TCOF1: variants seen among roughly 807,000 people sequenced by gnomAD.
TCOF1 encodes treacle ribosome biogenesis factor 1, also known as treacle protein.
In TCOF1, 33 loss-of-function variants were observed where a neutral mutation model predicts 149.0. The observed-to-expected ratio is 0.22, with a 90% confidence interval of 0.17 to 0.30. TCOF1 has a LOEUF of 0.30. TCOF1 is among the 10% of genes least tolerant of loss of function. The pLI is 1.00. For missense variants in TCOF1, 1,728 were observed against 1,840.7 expected (o/e 0.94, Z 1.12); for synonymous variants, 789 against 738.8 (o/e 1.07, Z -1.10).
chr5:150,390,333 A>G (rs893695865), intron 19 of TCOF1, among the ~76,000 whole-genome samples: 7 of 152,196 alleles, frequency 4.6e-5, no homozygotes, highest in Non-Finnish European at 1.0e-4. Context: ...AAATGCCATG[A>G]ACAAAAGTTG....
At chr5:150,396,884 G>A (rs1409109694) in intron 24 of TCOF1, 42 bp downstream of exon 24, 10 of 1,558,986 alleles carry the variant, frequency 6.4e-6, no homozygotes, top group Non-Finnish European at 8.7e-6. Flanking sequence ...GGGCTGCTGG[G>A]CACCCCACGG....
chr5:150,398,960 G>C (rs1769190904), intron 25 of TCOF1, 62 bp from the exon 26 acceptor site: 1 of 1,612,304 alleles, frequency 6.2e-7, no homozygotes, highest in African/African-American at 1.3e-5. Context: ...CAGGAGGTGG[G>C]GGCAGCAGTG....
chr5:150,393,598 A>G, intron 23 of TCOF1, 46 bp downstream of exon 23: 1 of 1,612,848 alleles, frequency 6.2e-7, no homozygotes. Flanking sequence ...ACAGAGGGAC[A>G]GGGCAGTGGG....
At chr5:150,363,931 A>G (rs550274722) in intron 2 of TCOF1, among the ~76,000 whole-genome samples, 182 bp from the exon 3 acceptor site, 5 of 152,344 alleles carry the variant, frequency 3.3e-5, no homozygotes, top group Admixed American at 6.5e-5. Context: ...TTGTAAAAGC[A>G]CTTTATGAAG....
intron 3 of TCOF1, chr5:150,367,618 T>C: frequency 1.8e-6 from 1 of 569,638 alleles, no homozygotes; most frequent in South Asian, 1.8e-5. Context: ...CCATCAAGGA[T>C]GCAGACACAT....
chr5:150,372,219 G>A lies in TCOF1; in HGVS notation c.853G>A (p.Ala285Thr), dbSNP rs1346370057. Reference sequence around the variant, plus strand: ...ATCTGAAAGTGAGGAGGAGGCCCCTGCAGGGACACGAAGCCAGGTGAGGCC... The same window carrying A: ...ATCTGAAAGTGAGGAGGAGGCCCCTACAGGGACACGAAGCCAGGTGAGGCC... ...EGSESEEEAP[A>T]GTRSQVKASE... The change falls in exon 7 of 27, where the codon GCA (alanine) becomes ACA (threonine). Residue 285 changes from alanine (A) to threonine (T), a missense_variant. By Grantham distance (58) the Ala-to-Thr change is moderately conservative. Coordinates refer to ENST00000643257, the MANE Select transcript of TCOF1 (RefSeq NM_001371623.1). 1.2e-6 allele frequency: 2 copies of A among 1,611,678 alleles called. No homozygotes were observed. The highest frequency in any genetic ancestry group is 1.1e-5 in the South Asian group (1 of 90,788).
chr5:150,369,700 C>A (rs1474098133), intron 6 of TCOF1, 98 bp downstream of exon 6: 50 of 1,349,068 alleles, frequency 3.7e-5, no homozygotes, highest in Non-Finnish European at 4.9e-5. Context: ...CAGATGAGTT[C>A]AGCAACTGTG....
Position 150,365,349 on chromosome 5 carries a change from G to T in TCOF1, c.304+1097G>T, listed in dbSNP as rs1442876493. ...CCCACCTTGGCCTCCAAAAGGGCTG[G>T]GATTACAGGCATGAGCCACTGCGCC... On this transcript the variant is annotated intron_variant, in intron 3 of 26. Coordinates refer to ENST00000643257, the MANE Select transcript of TCOF1 (RefSeq NM_001371623.1). Among the ~76,000 whole-genome samples, 3 of 151,202 alleles carry T rather than the reference G, an allele frequency of 2.0e-5. No homozygotes were observed. In the East Asian group the frequency reaches 5.8e-4, roughly 29 times the overall value.
rs57623039 is a variant in TCOF1 at position 150,363,923 on chromosome 5, G to T, written c.165-190G>T. Among the ~76,000 whole-genome samples, 1,378 of 152,336 alleles carry T rather than the reference G, an allele frequency of 9.0e-3. 22 individuals carry two copies. The highest frequency in any genetic ancestry group is 0.03 in the African/African-American group (1,251 of 41,564). ...TTATTTTAAAGACTAATCAAGAATT[G>T]TAAAAGCACTTTATGAAGTGAGTGA... On this transcript the variant is annotated intron_variant, in intron 2 of 26. Transcript: ENST00000643257.
rs1431907900 is a variant in TCOF1, at chr5:150,400,218, G to A, written c.*431G>A. 4 of 151,186 alleles carry A rather than the reference G, an allele frequency of 2.6e-5. No homozygotes were observed. Among genetic ancestry groups the A allele is most frequent in the South Asian group, 4.2e-4 (2 of 4,790 alleles). 9.4% of individuals were successfully genotyped at this position (151,186 alleles called of 1,614,324 possible). A position where few individuals can be genotyped will look rare whatever the true frequency, so the allele number is the denominator to read the frequency against. ...GATCCCGAGGCTTTGTCTTCCTCTC[G>A]TCAGTTCTTTTGGTTGTGTTTTTTG... On this transcript the variant is annotated 3_prime_UTR_variant, in exon 27 of 27. Coordinates refer to ENST00000643257, the MANE Select transcript of TCOF1 (RefSeq NM_001371623.1).
intron 2 of TCOF1, among the ~76,000 whole-genome samples, chr5:150,362,276 A>G (rs1760296529): frequency 6.6e-6 from 1 of 152,230 alleles, no homozygotes; most frequent in African/African-American, 2.4e-5. Flanking sequence ...ATCCAAGGAT[A>G]TATCAACAGA....
intron 17 of TCOF1, among the ~76,000 whole-genome samples, chr5:150,383,556 C>T (rs965536329): frequency 2.0e-5 from 3 of 152,248 alleles, no homozygotes; most frequent in African/African-American, 7.2e-5. Flanking sequence ...CCACAGTCCC[C>T]TGCCTAAGAA....
chr5:150,371,959 G>A, intron 6 of TCOF1, 47 bp from the exon 7 acceptor site: 4 of 1,554,730 alleles, frequency 2.6e-6, no homozygotes, highest in African/African-American at 2.7e-5. Flanking sequence ...ACCTTAGGGG[G>A]AAACAGTAAT....
intron 14 of TCOF1, among the ~76,000 whole-genome samples, chr5:150,377,842 G>A (rs1764174364): frequency 6.6e-6 from 1 of 152,128 alleles, no homozygotes; most frequent in African/African-American, 2.4e-5. Context: ...TTTGAACCAT[G>A]GGCTATTTTG....
At position 150,376,204 on chromosome 5, in the gene TCOF1, G is replaced by A. The variant is rs372688212; in HGVS notation, c.2016G>A (p.Ala672=). ...AAGCCCCCCGGAAAGCAGGAACTGC[G>A]ACTTCTCCAGCAGGCTCATCCCCAG... ...GTQAPRKAGT[A]TSPAGSSPAV... is the part of the protein sequence containing the mutation. The change falls in exon 13 of 27, where the codon GCG becomes GCA. Residue 672 remains alanine (A), a synonymous_variant. Coordinates refer to ENST00000643257, the MANE Select transcript of TCOF1 (RefSeq NM_001371623.1). 8 of 1,614,200 alleles carry A rather than the reference G, an allele frequency of 5.0e-6. No individual in the cohort carries two copies. The highest frequency in any genetic ancestry group is 6.8e-6 in the Non-Finnish European group (8 of 1,180,026).
At position 150,367,845 on chromosome 5, in the gene TCOF1, C is replaced by T. The variant is rs1761692723; in HGVS notation, c.306C>T (p.Thr102=). 1 of 1,614,114 alleles carries T rather than the reference C, an allele frequency of 6.2e-7. No homozygotes were observed. Among genetic ancestry groups the T allele is most frequent in the Non-Finnish European group, 8.5e-7 (1 of 1,180,014 alleles). The change falls in exon 4 of 27, where the codon ACC becomes ACT. Residue 102 remains threonine, a splice_region_variant and synonymous_variant. Coordinates refer to ENST00000643257, the MANE Select transcript of TCOF1 (RefSeq NM_001371623.1). ...TTAGCAGATGTTTGTTTCTTGCAGC[C>T]CCAAGACTAGCATCTACCAACTCCT... The part of the protein sequence containing the change: ...EEAEAETAKA[T]PRLASTNSSV...
rs1218746829 is a variant in TCOF1, at chr5:150,374,258, C to G, written c.955C>G (p.Pro319Ala). ...GTPGKGATPA[P>A]PGKAGAVASQ... is the part of the protein sequence containing the mutation. ...CCCTGGGAAAGGGGCTACCCCAGCACCCCCTGGGAAGGCAGGGGCTGTAGC... is the reference window on the plus strand; with the variant it reads ...CCCTGGGAAAGGGGCTACCCCAGCAGCCCCTGGGAAGGCAGGGGCTGTAGC... The change falls in exon 8 of 27, where the codon CCC becomes GCC. Residue 319 changes from proline (P) to alanine (A), a missense_variant. By Grantham distance (27) the Pro-to-Ala change is conservative. Coordinates refer to ENST00000643257, the MANE Select transcript of TCOF1 (RefSeq NM_001371623.1). 6.2e-7 allele frequency: 1 copy of G among 1,608,232 alleles called. No homozygotes were observed. The highest frequency in any genetic ancestry group is 1.1e-5 in the South Asian group (1 of 90,178).
chr5:150,374,290 G>T lies in TCOF1; in HGVS notation c.987G>T (p.Gln329His). The T allele has an allele frequency of 6.3e-7, 1 of 1,594,332 alleles. No homozygotes were observed. The highest frequency in any genetic ancestry group is 1.7e-5 in the Admixed American group (1 of 57,212). ...PPGKAGAVAS[Q>H]TKAGKPEEDS... Reference sequence around the variant, plus strand: ...GGAAGGCAGGGGCTGTAGCCTCCCAGACCAAGGCAGGGAAGCCAGAGGAGG... The same window carrying T: ...GGAAGGCAGGGGCTGTAGCCTCCCATACCAAGGCAGGGAAGCCAGAGGAGG... The change falls in exon 8 of 27, where the codon CAG becomes CAT. Residue 329 changes from glutamine to histidine, a missense_variant. Physicochemically the swap from Gln to His is conservative, Grantham distance 24 (BLOSUM62 0). Transcript: ENST00000643257.
intron 23 of TCOF1, among the ~76,000 whole-genome samples, chr5:150,395,333 G>A (rs1768238703): frequency 6.6e-6 from 1 of 152,212 alleles, no homozygotes; most frequent in Non-Finnish European, 1.5e-5. Context: ...GCATGCAGGA[G>A]TGTTGTGCCC....
Sources: gnomAD v4.1 joint callset for allele counts (sites outside exome capture counted in the v4.1 genomes callset) on GRCh38, gnomAD v4.1.1 for gene constraint, MANE v1.5 for transcripts, NCBI Gene and HGNC (gene_info 2026-07-23, HGNC 2026-07-21) for gene names.